Variants in ZDHHC22 observed in about 807,000 individuals in gnomAD.
ZDHHC22 encodes zDHHC palmitoyltransferase 22.
Under a neutral mutation model 17.0 loss-of-function variants are expected in ZDHHC22, and 13 were observed. The ratio of observed to expected loss-of-function variants is 0.76; its 90% CI spans 0.50 to 1.21. The LOEUF (loss-of-function observed/expected upper bound fraction) is 1.21. Among genes scored for constraint, ZDHHC22 ranks in the 50% most tolerant of loss-of-function variants. ZDHHC22 has a pLI of 0.00. For missense variants in ZDHHC22, 319 were observed against 342.3 expected (o/e 0.93, Z 0.54); for synonymous variants, 138 against 154.7 (o/e 0.89, Z 0.80).
Position 77,139,397 on chromosome 14 carries a change from G to A in ZDHHC22, c.342C>T (p.Thr114=), listed in dbSNP as rs372858888. 3.0e-5 allele frequency: 48 copies of A among 1,608,368 alleles called. No homozygotes were observed. Among genetic ancestry groups the A allele is most frequent in the African/African-American group, 1.6e-4 (12 of 74,854 alleles). ...TGTTCCTGCTGCCGATGCAGTTGCC[G>A]GTGAAGAAACAGTGATGGTCGTGCC... The part of the protein sequence containing the change: ...TLRHDHHCFF[T]GNCIGSRNMR... Residue 114 remains threonine, a synonymous_variant, in exon 2 of 3, where the codon ACC becomes ACT. Transcript: ENST00000319374.
Position 77,139,543 on chromosome 14 carries a change from C to A in ZDHHC22, c.196G>T (p.Val66Phe), listed in dbSNP as rs769270908. 6.2e-7 allele frequency: 1 copy of A among 1,607,762 alleles called. No individual in the cohort carries two copies. Among genetic ancestry groups the A allele is most frequent in the Non-Finnish European group, 8.5e-7 (1 of 1,177,184 alleles). Residue 66 changes from valine to phenylalanine, a missense_variant, in exon 2 of 3, where the codon GTC becomes TTC. By Grantham distance (50) the Val-to-Phe change is conservative. Transcript: ENST00000319374. Reference protein sequence around the residue: ...FLSANALGNYVLVIQNSPDDL... With the variant: ...FLSANALGNYFLVIQNSPDDL... ...TCTGGGGAGTTCTGGATGACAAGGA[C>A]GTAATTGCCCAGGGCGTTGGCCGAG...
At position 77,133,502 on chromosome 14, in the gene ZDHHC22, T is replaced by A; in HGVS notation, c.*181A>T. ...AGCCTAGAAATGCCTGGGGGGACAT[T>A]TTTCCTCCTTGTCATGATCCACCAG... On this transcript the variant is annotated 3_prime_UTR_variant, in exon 3 of 3. Transcript: ENST00000319374. 1 of 871,286 alleles carries A rather than the reference T, an allele frequency of 1.1e-6. No homozygotes were observed. The allele number at this position is 871,286 out of a possible 1,614,324, so 54.0% of individuals were successfully genotyped here.
In ZDHHC22 at chr14:77,141,610, T is replaced by C. The variant is rs934510125; in HGVS notation, c.-22A>G. The C allele has an allele frequency of 6.5e-6, 1 of 153,148 alleles. No individual in the cohort carries two copies. The highest frequency in any genetic ancestry group is 2.4e-5 in the African/African-American group (1 of 41,464). The allele number at this position is 153,148 out of a possible 1,614,324, so 9.5% of individuals were successfully genotyped here. A position where few individuals can be genotyped will look rare whatever the true frequency, so the allele number is the denominator to read the frequency against. ...GTGAGGAAATCAACTCACCGAGCTC[T>C]GGTCGCCGACAAGAGGAGCCCCGGA... On this transcript the variant is annotated 5_prime_UTR_variant, in exon 1 of 3. Transcript: ENST00000319374.
chr14:77,134,329 G>A (rs532813083), intron 2 of ZDHHC22, among the ~76,000 whole-genome samples: 2 of 152,270 alleles, frequency 1.3e-5, no homozygotes, highest in East Asian at 3.9e-4. Flanking sequence ...CAGGGTGAAG[G>A]GGTTTTGCTC....
At position 77,139,653 on chromosome 14, in the gene ZDHHC22, A is replaced by G; in HGVS notation, c.86T>C (p.Leu29Pro). The change falls in exon 2 of 3, where the codon CTC becomes CCC. Residue 29 changes from leucine to proline, a missense_variant. Transcript: ENST00000319374. Reference protein sequence around the residue: ...SLVTFVLQLFLFLPSMREDPA... With the variant: ...SLVTFVLQLFPFLPSMREDPA... Reference sequence around the variant, plus strand: ...GTCCTCGCGCATGCTGGGCAGGAAGAGGAAGAGCTGCAGCACGAAGGTCAC... The same window carrying G: ...GTCCTCGCGCATGCTGGGCAGGAAGGGGAAGAGCTGCAGCACGAAGGTCAC... 6.4e-7 allele frequency: 1 copy of G among 1,574,386 alleles called. No individual in the cohort carries two copies. Among genetic ancestry groups the G allele is most frequent in the Non-Finnish European group, 8.6e-7 (1 of 1,159,980 alleles).
At chr14:77,134,048 T>C (rs1400815699) in intron 2 of ZDHHC22, 100 bp from the exon 3 acceptor site, 2 of 1,337,990 alleles carry the variant, frequency 1.5e-6, no homozygotes, top group Non-Finnish European at 2.0e-6. Context: ...GGAGGGAGAT[T>C]AATGAGATTG....
In ZDHHC22 at chr14:77,133,904, G is replaced by C. The variant is rs548246584; in HGVS notation, c.571C>G (p.Leu191Val). 1.2e-6 allele frequency: 2 copies of C among 1,611,020 alleles called. No individual in the cohort carries two copies. The highest frequency in any genetic ancestry group is 2.7e-5 in the African/African-American group (2 of 74,922). Residue 191 changes from leucine to valine, a missense_variant, in exon 3 of 3, where the codon CTC becomes GTC. Transcript: ENST00000319374. ...CAGGCCAGGCCGATGGCGAACCAGAGGTAGAGCATGAGGATGACGAACATT... is the reference window on the plus strand; with the variant it reads ...CAGGCCAGGCCGATGGCGAACCAGACGTAGAGCATGAGGATGACGAACATT... Reference protein sequence around the residue: ...SEMFVILMLYLWFAIGLACAG... With the variant: ...SEMFVILMLYVWFAIGLACAG...
chr14:77,134,325 G>A (rs377601862), intron 2 of ZDHHC22, among the ~76,000 whole-genome samples: 81 of 152,268 alleles, frequency 5.3e-4, no homozygotes, highest in African/African-American at 1.8e-3. Context: ...GAAGCAGGGT[G>A]AAGGGGTTTT....
rs1274888640 is a variant in ZDHHC22 at position 77,139,512 on chromosome 14, A to G, written c.227T>C (p.Leu76Pro). 1 of 1,611,598 alleles carries G rather than the reference A, an allele frequency of 6.2e-7. No individual in the cohort carries two copies. The highest frequency in any genetic ancestry group is 1.7e-5 in the Admixed American group (1 of 59,654). The change falls in exon 2 of 3, where the codon CTG becomes CCG. Residue 76 changes from leucine (L) to proline (P), a missense_variant. Physicochemically the swap from Leu to Pro is moderately conservative, Grantham distance 98. Coordinates refer to ENST00000319374, the MANE Select transcript of ZDHHC22 (RefSeq NM_174976.2). ...VLVIQNSPDD[L>P]GACQGASARK... is the part of the protein sequence containing the mutation. ...GGCCGAGGCCCCCTGGCAGGCCCCCAGGTCGTCTGGGGAGTTCTGGATGAC... is the reference window on the plus strand; with the variant it reads ...GGCCGAGGCCCCCTGGCAGGCCCCCGGGTCGTCTGGGGAGTTCTGGATGAC...
chr14:77,136,549 G>C (rs1187618240), intron 2 of ZDHHC22, among the ~76,000 whole-genome samples: 1 of 152,122 alleles, frequency 6.6e-6, no homozygotes, highest in Non-Finnish European at 1.5e-5. Flanking sequence ...ACAGCAACCT[G>C]TACTGGTCCC....
chr14:77,134,806 C>T (rs1370596439), intron 2 of ZDHHC22, among the ~76,000 whole-genome samples: 1 of 152,176 alleles, frequency 6.6e-6, no homozygotes, highest in Admixed American at 6.5e-5. Context: ...TGGACTGGCA[C>T]AAGTGTCCCA....
Position 77,139,758 on chromosome 14 carries a change from G to A in ZDHHC22, c.-14-6C>T. On this transcript the variant is annotated splice_polypyrimidine_tract_variant and splice_region_variant and intron_variant, in intron 1 of 2. Transcript: ENST00000319374. Reference sequence around the variant, plus strand: ...CAGCATCCTCGATTACATTCCTGCGGGGCCCGGGGTGAGAAGAGGACTGAC... The same window carrying A: ...CAGCATCCTCGATTACATTCCTGCGAGGCCCGGGGTGAGAAGAGGACTGAC... 2 of 1,471,782 alleles carry A rather than the reference G, an allele frequency of 1.4e-6. No individual in the cohort carries two copies. Among genetic ancestry groups the A allele is most frequent in the Non-Finnish European group, 1.8e-6 (2 of 1,111,340 alleles). 91.2% of individuals were successfully genotyped at this position (1,471,782 alleles called of 1,614,324 possible).
intron 2 of ZDHHC22, among the ~76,000 whole-genome samples, chr14:77,134,828 G>T (rs1887104937): frequency 6.6e-6 from 1 of 152,154 alleles, no homozygotes; most frequent in African/African-American, 2.4e-5. Flanking sequence ...CCTCTCAGTT[G>T]CAGCTCGTTC....
chr14:77,134,516 C>A (rs1427721428), intron 2 of ZDHHC22, among the ~76,000 whole-genome samples: 1 of 150,468 alleles, frequency 6.6e-6, no homozygotes, highest in Non-Finnish European at 1.5e-5. Flanking sequence ...TGAAGAGCAG[C>A]CCAGAACACC....
chr14:77,139,150 C>A, intron 2 of ZDHHC22, 63 bp downstream of exon 2: 1 of 1,497,600 alleles, frequency 6.7e-7, no homozygotes, highest in Non-Finnish European at 9.0e-7. Flanking sequence ...GTTTGGGGCC[C>A]GGCAACCTTT....
Position 77,133,635 on chromosome 14 carries a change from C to T in ZDHHC22, c.*48G>A. The T allele has an allele frequency of 6.3e-7, 1 of 1,575,838 alleles. No individual in the cohort carries two copies. The highest frequency in any genetic ancestry group is 8.6e-7 in the Non-Finnish European group (1 of 1,160,104). ...GACAAGGCTGCCATGGTTTTATGCTCAGGAGGAGTCAAGACAGAGACAGAG... is the reference window on the plus strand; with the variant it reads ...GACAAGGCTGCCATGGTTTTATGCTTAGGAGGAGTCAAGACAGAGACAGAG... On this transcript the variant is annotated 3_prime_UTR_variant, in exon 3 of 3. Transcript: ENST00000319374.
Position 77,139,698 on chromosome 14 carries a change from T to C in ZDHHC22, c.41A>G (p.Tyr14Cys). Residue 14 changes from tyrosine to cysteine, a missense_variant, in exon 2 of 3, where the codon TAC becomes TGC. Physicochemically the swap from Tyr to Cys is radical, Grantham distance 194. Transcript: ENST00000319374. ...LRLLNVVAPA[Y>C]FLCISLVTFV... ...GGTCACCAGGGAGATGCACAAGAAG[T>C]AGGCGGGGGCCACCACGTTGAGCAG... is the stretch of plus-strand genomic sequence containing the variant. The C allele has an allele frequency of 1.3e-6, 2 of 1,527,320 alleles. No individual in the cohort carries two copies. The highest frequency in any genetic ancestry group is 2.1e-5 in the Admixed American group (1 of 47,154). 94.6% of individuals were successfully genotyped at this position (1,527,320 alleles called of 1,614,324 possible). A position where few individuals can be genotyped will look rare whatever the true frequency, so the allele number is the denominator to read the frequency against.
intron 2 of ZDHHC22, among the ~76,000 whole-genome samples, chr14:77,138,403 CA>C (rs1178031943): frequency 1.3e-5 from 2 of 152,274 alleles, no homozygotes; most frequent in South Asian, 2.1e-4. Context: ...ACTAAAAATA[CA>C]AAAATTAGTG....
In ZDHHC22 at chr14:77,132,086, T is replaced by G. The variant is rs1259489267; in HGVS notation, c.*1597A>C. On this transcript the variant is annotated 3_prime_UTR_variant, in exon 3 of 3. Transcript: ENST00000319374. Reference sequence around the variant, plus strand: ...ACTGCTGCCTGCATGGATGTCATATTGGCTTTGGGACCCAGTCAGGAGGGG... The same window carrying G: ...ACTGCTGCCTGCATGGATGTCATATGGGCTTTGGGACCCAGTCAGGAGGGG... 1 of 152,394 alleles carries G rather than the reference T, an allele frequency of 6.6e-6. No homozygotes were observed. Among genetic ancestry groups the G allele is most frequent in the East Asian group, 1.9e-4 (1 of 5,190 alleles). 9.4% of individuals were successfully genotyped at this position (152,394 alleles called of 1,614,324 possible).
Sources: allele counts gnomAD v4.1 joint callset (sites outside exome capture counted in the v4.1 genomes callset), GRCh38; gene constraint gnomAD v4.1.1; transcripts MANE v1.5; gene names NCBI Gene and HGNC (gene_info 2026-07-23, HGNC 2026-07-21).